The following VEPH1 variants were observed in gnomAD, a reference collection of about 807,000 sequenced individuals.
VEPH1 encodes the protein ventricular zone-expressed PH domain-containing protein homolog 1.
In VEPH1, 80 loss-of-function variants were observed where a neutral mutation model predicts 85.2. That is an observed-to-expected ratio of 0.94 (90% CI 0.78 to 1.13). The LOEUF (loss-of-function observed/expected upper bound fraction) is 1.13. Among genes scored for constraint, VEPH1 ranks in the 50% most tolerant of loss-of-function variants. The probability of loss-of-function intolerance (pLI) is 0.00; values close to 1 mark genes in which losing one functional copy is unlikely to be tolerated. For missense variants in VEPH1, 955 were observed against 980.5 expected (o/e 0.97, Z 0.35); for synonymous variants, 297 against 348.0 (o/e 0.85, Z 1.63).
At chr3:157,490,916 C>T (rs1199800498) in intron 2 of VEPH1, among the ~76,000 whole-genome samples, 1 of 152,110 alleles carries the variant, frequency 6.6e-6, no homozygotes, top group African/African-American at 2.4e-5. Flanking sequence ...AGCACATTCA[C>T]ATAAGGGAAT....
intron 5 of VEPH1, among the ~76,000 whole-genome samples, chr3:157,424,519 A>G (rs975192301): frequency 6.6e-6 from 1 of 152,220 alleles, no homozygotes; most frequent in Admixed American, 6.5e-5. Context: ...GGAACTTCCT[A>G]GAGACTTGTT....
intron 6 of VEPH1, among the ~76,000 whole-genome samples, chr3:157,397,190 C>A (rs921558272): frequency 1.3e-5 from 2 of 152,134 alleles, no homozygotes; most frequent in Non-Finnish European, 2.9e-5. Context: ...ATAGGGAATC[C>A]TTTCCCCATT....
chr3:157,402,106 C>G (rs954713388), intron 6 of VEPH1, among the ~76,000 whole-genome samples: 1 of 152,152 alleles, frequency 6.6e-6, no homozygotes, highest in Non-Finnish European at 1.5e-5. Context: ...TCTATAGTGC[C>G]TATTATGTAC....
chr3:157,432,508 A>G (rs2109145369), intron 4 of VEPH1, among the ~76,000 whole-genome samples: 1 of 152,006 alleles, frequency 6.6e-6, no homozygotes, highest in Admixed American at 6.5e-5. Context: ...GTTTAATTAT[A>G]TGTTTTTCTT....
intron 1 of VEPH1, among the ~76,000 whole-genome samples, chr3:157,498,268 T>C (rs1009537500): frequency 3.9e-5 from 6 of 152,224 alleles, no homozygotes. Context: ...TGTTTTCCTT[T>C]CTTGAGACTT....
chr3:157,401,122 C>T (rs914546672), intron 6 of VEPH1, among the ~76,000 whole-genome samples: 2 of 152,034 alleles, frequency 1.3e-5, no homozygotes, highest in Non-Finnish European at 2.9e-5. Context: ...TTTAATTACA[C>T]AATATCTGTT....
chr3:157,393,407 T>C (rs1235535124), intron 6 of VEPH1, among the ~76,000 whole-genome samples: 1 of 152,208 alleles, frequency 6.6e-6, no homozygotes, highest in Non-Finnish European at 1.5e-5. Context: ...TTGTAAAGTA[T>C]CTAGCATAGA....
intron 5 of VEPH1, among the ~76,000 whole-genome samples, chr3:157,427,767 T>G (rs1732859013): frequency 6.6e-6 from 1 of 152,206 alleles, no homozygotes; most frequent in African/African-American, 2.4e-5. Flanking sequence ...TGATGGTTAA[T>G]TTTATGTGTC....
chr3:157,348,394 G>A (rs909980675), intron 9 of VEPH1, among the ~76,000 whole-genome samples: 2 of 152,000 alleles, frequency 1.3e-5, no homozygotes, highest in Admixed American at 6.6e-5. Flanking sequence ...TCTTTTCTCT[G>A]CATCCTCACC....
intron 5 of VEPH1, among the ~76,000 whole-genome samples, 198 bp from the exon 6 acceptor site, chr3:157,414,288 T>G (rs1397771852): frequency 6.6e-6 from 1 of 152,180 alleles, no homozygotes; most frequent in African/African-American, 2.4e-5. Flanking sequence ...CTTCAGAGCC[T>G]TTAGTTCCTT....
intron 9 of VEPH1, among the ~76,000 whole-genome samples, chr3:157,355,491 C>G (rs1260082275): frequency 2.6e-5 from 4 of 152,210 alleles, no homozygotes; most frequent in Admixed American, 6.5e-5. Context: ...TTCTCCCTGC[C>G]TGGCCCAACA....
chr3:157,262,720 C>A (rs147699230), intron 13 of VEPH1, among the ~76,000 whole-genome samples: 2 of 152,078 alleles, frequency 1.3e-5, no homozygotes, highest in Non-Finnish European at 2.9e-5. Flanking sequence ...AAATTACAGT[C>A]CGGGCAAATG....
intron 6 of VEPH1, among the ~76,000 whole-genome samples, chr3:157,408,209 T>C (rs1731280643): frequency 6.6e-6 from 1 of 152,144 alleles, no homozygotes; most frequent in South Asian, 2.1e-4. Context: ...TTCATTTATG[T>C]CACCTCCTAG....
At chr3:157,275,324 G>A (rs898502428) in intron 12 of VEPH1, among the ~76,000 whole-genome samples, 2 of 152,012 alleles carry the variant, frequency 1.3e-5, no homozygotes, top group East Asian at 1.9e-4. Flanking sequence ...CCCTGTAATC[G>A]CAGCACTTTG....
At chr3:157,299,810 G>A (rs1190544819) in intron 11 of VEPH1, among the ~76,000 whole-genome samples, 1 of 152,144 alleles carries the variant, frequency 6.6e-6, no homozygotes, top group Admixed American at 6.5e-5. Context: ...TGGGAATATG[G>A]CTGAGGGAGT....
intron 4 of VEPH1, chr3:157,459,633 C>T: frequency 7.9e-7 from 1 of 1,272,876 alleles, no homozygotes; most frequent in Non-Finnish European, 9.9e-7. Context: ...TTTGCATGAA[C>T]TAATTTGAGC....
chr3:157,309,650 C>T (rs753657694), intron 11 of VEPH1, among the ~76,000 whole-genome samples: 49 of 151,914 alleles, frequency 3.2e-4, no homozygotes, highest in Non-Finnish European at 6.0e-4. Flanking sequence ...TAATATTAAA[C>T]TTTTATTTTT....
At chr3:157,333,848 A>AT (rs373232421) in intron 9 of VEPH1, among the ~76,000 whole-genome samples, 13 of 151,558 alleles carry the variant, frequency 8.6e-5, no homozygotes, top group Non-Finnish European at 1.3e-4. Flanking sequence ...GTCCGTTTAC[A>AT]TTTTTTTTTC....
chr3:157,376,822 C>A (rs1359050404), intron 7 of VEPH1, among the ~76,000 whole-genome samples: 1 of 152,164 alleles, frequency 6.6e-6, no homozygotes, highest in Non-Finnish European at 1.5e-5. Flanking sequence ...GCCTGCTGGG[C>A]TACATGTCAG....
Sources: gnomAD v4.1 joint callset for allele counts (sites outside exome capture counted in the v4.1 genomes callset) on GRCh38, gnomAD v4.1.1 for gene constraint, MANE v1.5 for transcripts, NCBI Gene and HGNC (gene_info 2026-07-23, HGNC 2026-07-21) for gene names.